Variants in BACH2 observed in about 807,000 individuals in gnomAD.
BACH2 encodes the protein BACH transcriptional regulator 2.
A neutral mutation model predicts 61.8 loss-of-function variants in BACH2; 5 were observed. The ratio of observed to expected loss-of-function variants is 0.08; its 90% CI spans 0.04 to 0.17. The LOEUF (loss-of-function observed/expected upper bound fraction) is 0.17, where lower values mean the gene tolerates loss of function less well. Among genes scored for constraint, BACH2 ranks in the 10% least tolerant of loss-of-function variants. BACH2 has a pLI of 1.00. For synonymous variants in BACH2, 446 were observed against 440.1 expected (o/e 1.01, Z -0.17); for missense variants, 824 against 1,091.1 (o/e 0.76, Z 3.45).
chr6:90,275,963 C>T (rs1001647231), intron 1 of BACH2, among the ~76,000 whole-genome samples: 2 of 138,836 alleles, frequency 1.4e-5, no homozygotes, highest in East Asian at 2.0e-4. Flanking sequence ...GGCTAGATTT[C>T]GTCTTAAAAA....
chr6:90,163,958 A>G (rs1426037839), intron 4 of BACH2, among the ~76,000 whole-genome samples: 1 of 152,244 alleles, frequency 6.6e-6, no homozygotes, highest in African/African-American at 2.4e-5. Context: ...CACAAGAGAA[A>G]GCAGGAAAGA....
intron 4 of BACH2, among the ~76,000 whole-genome samples, chr6:90,103,678 C>A (rs941111444): frequency 6.6e-6 from 1 of 152,114 alleles, no homozygotes; most frequent in Non-Finnish European, 1.5e-5. Context: ...CTTGTGTAAA[C>A]AGGTTGTCTC....
At chr6:90,135,418 C>T (rs979357348) in intron 4 of BACH2, among the ~76,000 whole-genome samples, 2 of 152,316 alleles carry the variant, frequency 1.3e-5, no homozygotes, top group African/African-American at 4.8e-5. Flanking sequence ...GAATTCTGTT[C>T]ACAAACAACC....
At chr6:89,970,489 A>T (rs1376299060) in intron 6 of BACH2, among the ~76,000 whole-genome samples, 2 of 152,240 alleles carry the variant, frequency 1.3e-5, no homozygotes, top group African/African-American at 4.8e-5. Context: ...ACATTTATAC[A>T]TGCATTTGTA....
intron 4 of BACH2, among the ~76,000 whole-genome samples, chr6:90,202,523 G>C (rs956935440): frequency 1.3e-5 from 2 of 152,166 alleles, no homozygotes; most frequent in Admixed American, 1.3e-4. Context: ...TCATTTGGAT[G>C]CTTTGGCATT....
At chr6:89,997,286 T>C (rs762374023) in intron 6 of BACH2, among the ~76,000 whole-genome samples, 8 of 152,180 alleles carry the variant, frequency 5.3e-5, no homozygotes, top group African/African-American at 7.2e-5. Context: ...ACCTTGTGAA[T>C]TGAATGCATT....
intron 4 of BACH2, among the ~76,000 whole-genome samples, chr6:90,111,093 C>T (rs1256866504): frequency 1.3e-5 from 2 of 152,190 alleles, no homozygotes; most frequent in East Asian, 3.8e-4. Context: ...TTACATTTCA[C>T]TAGCAGTGCA....
In BACH2 at chr6:90,239,207, G is replaced by A. The variant is rs183289864; in HGVS notation, c.-275+13306C>T. On this transcript the variant is annotated intron_variant, in intron 3 of 8. Transcript: ENST00000257749. ...AGTTGCTCGACCTAGGATCTAAGATGTCCACGAGCCACAAACCTGGTAATC... is the reference window on the plus strand; with the variant it reads ...AGTTGCTCGACCTAGGATCTAAGATATCCACGAGCCACAAACCTGGTAATC... Among the ~76,000 whole-genome samples the A allele has an allele frequency of 2.1e-3, 322 of 152,304 alleles. 1 individual carries two copies. The highest frequency in any genetic ancestry group is 3.7e-3 in the Admixed American group (56 of 15,300).
At chr6:90,271,443 T>C (rs902249992) in intron 2 of BACH2, among the ~76,000 whole-genome samples, 1 of 151,268 alleles carries the variant, frequency 6.6e-6, no homozygotes, top group Non-Finnish European at 1.5e-5. Context: ...GTTTATGAAG[T>C]TCAGAGCTTG....
intron 5 of BACH2, among the ~76,000 whole-genome samples, chr6:90,083,952 C>G (rs1420942403): frequency 6.6e-6 from 1 of 152,110 alleles, no homozygotes; most frequent in East Asian, 1.9e-4. Flanking sequence ...AAACATCTAA[C>G]CATTCTCAAT....
chr6:89,950,462 C>T lies in BACH2; in HGVS notation c.1644G>A (p.Ser548=), dbSNP rs534305159. 29 of 1,614,132 alleles carry T rather than the reference C, an allele frequency of 1.8e-5. No homozygotes were observed. Among genetic ancestry groups the T allele is most frequent in the East Asian group, 8.9e-5 (4 of 44,868 alleles). The change falls in exon 7 of 9, where the codon TCG becomes TCA. Residue 548 remains serine, a synonymous_variant. Coordinates refer to ENST00000257749, the MANE Select transcript of BACH2 (RefSeq NM_021813.4). This position sits in a 1 kb window ranked among gnomAD's most constrained non-coding sequence, Gnocchi z 5.3. ...GGAATCTGGCTCCCTGGGAACAGGG[C>T]GAGGAGGAGAACTCACAGAGAGGGA... The part of the protein sequence containing the change: ...CSLPLCEFSS[S]PCSQGARFLA...
chr6:90,122,513 C>T (rs946604343), intron 4 of BACH2, among the ~76,000 whole-genome samples: 59 of 152,286 alleles, frequency 3.9e-4, no homozygotes, highest in African/African-American at 1.3e-3. Context: ...TCCTTGAGGG[C>T]TGGGATGGGG....
chr6:90,025,451 T>C lies in BACH2; in HGVS notation c.-12-16595A>G, dbSNP rs541684004. On this transcript the variant is annotated intron_variant, in intron 5 of 8. Transcript: ENST00000257749. ...TACTTCTTTGTGTCTATGTTCTCCA[T>C]TTATATTCACTTCTCATACATTAAT... 1.3e-5 allele frequency among the ~76,000 whole-genome samples: 2 copies of C among 152,364 alleles called. 1 individual carries two copies. The highest frequency in any genetic ancestry group is 4.1e-4 in the South Asian group (2 of 4,828).
intron 5 of BACH2, among the ~76,000 whole-genome samples, chr6:90,029,445 C>T (rs1053293197): frequency 2.0e-5 from 3 of 152,142 alleles, no homozygotes; most frequent in Admixed American, 6.5e-5. Context: ...CCCTAACCAC[C>T]CTGCTCCGTT....
intron 6 of BACH2, among the ~76,000 whole-genome samples, chr6:89,989,973 G>C (rs1354333229): frequency 6.6e-6 from 1 of 152,194 alleles, no homozygotes; most frequent in Non-Finnish European, 1.5e-5. Flanking sequence ...AAAACTGAAA[G>C]ACAGTCTGTG....
chr6:90,071,479 A>G (rs915069184), intron 5 of BACH2, among the ~76,000 whole-genome samples: 13 of 152,240 alleles, frequency 8.5e-5, no homozygotes, highest in African/African-American at 2.9e-4. Flanking sequence ...AACCAGGTGG[A>G]GAGAGTGGAA....
At chr6:90,185,960 T>C (rs1300700679) in intron 4 of BACH2, among the ~76,000 whole-genome samples, 2 of 152,216 alleles carry the variant, frequency 1.3e-5, no homozygotes, top group African/African-American at 4.8e-5. Context: ...TGACACAGAA[T>C]AAGAACATAC....
At chr6:90,241,106 GC>G (rs1449960498) in intron 3 of BACH2, among the ~76,000 whole-genome samples, 2 of 146,136 alleles carry the variant, frequency 1.4e-5, no homozygotes, top group Non-Finnish European at 3.0e-5. Context: ...CTGCACTCCA[GC>G]CTGGGTGACA....
chr6:90,232,409 A>G (rs1440472162), intron 3 of BACH2, among the ~76,000 whole-genome samples: 2 of 152,226 alleles, frequency 1.3e-5, no homozygotes, highest in African/African-American at 4.8e-5. Flanking sequence ...AAATAGCTGG[A>G]ATTGTGTATT....
Sources: allele counts gnomAD v4.1 joint callset (sites outside exome capture counted in the v4.1 genomes callset), GRCh38; gene constraint gnomAD v4.1.1; non-coding constraint Gnocchi (gnomAD v3.1); transcripts MANE v1.5; gene names NCBI Gene and HGNC (gene_info 2026-07-23, HGNC 2026-07-21).